The following MBP variants were observed in gnomAD, a reference collection of about 807,000 sequenced individuals.
MBP encodes myelin basic protein.
In MBP, 16 loss-of-function variants were observed where a neutral mutation model predicts 35.8. The ratio of observed to expected loss-of-function variants is 0.45; its 90% CI spans 0.30 to 0.68. The LOEUF is 0.68. Ranked by LOEUF, MBP falls within the 30% of genes least tolerant of loss-of-function variation. The pLI is 0.08. For missense variants in MBP, 380 were observed against 404.7 expected, an observed-to-expected ratio of 0.94 and a Z score of 0.52; for synonymous variants, 143 against 159.6, an observed-to-expected ratio of 0.90 and a Z score of 0.78.
At chr18:77,002,281 G>C (rs575318033) in intron 4 of MBP, among the ~76,000 whole-genome samples, 48 of 152,340 alleles carry the variant, frequency 3.2e-4, no homozygotes, top group African/African-American at 1.1e-3. Flanking sequence ...GCACCCATCA[G>C]CACTCGGCTG....
intron 2 of MBP, among the ~76,000 whole-genome samples, chr18:77,081,781 C>CACGTATATATATATGCACACACATATAT (rs1568329853): frequency 2.0e-5 from 1 of 50,662 alleles, no homozygotes; most frequent in African/African-American, 5.6e-5. Flanking sequence ...CACACACACA[C>CACGTATATATATATGCACACACATATAT]ACACACACAC....
chr18:76,981,812 G>A (rs1280595756), intron 8 of MBP: 1 of 152,234 alleles, frequency 6.6e-6, no homozygotes, highest in Non-Finnish European at 1.5e-5. Context: ...CTCTGGCATT[G>A]GAGCTGCCCT....
chr18:77,050,142 T>C (rs984372303), intron 3 of MBP, among the ~76,000 whole-genome samples: 1 of 152,254 alleles, frequency 6.6e-6, no homozygotes, highest in African/African-American at 2.4e-5. Flanking sequence ...AGTAATGCTA[T>C]TCCAAATTCT....
At chr18:76,998,832 G>A (rs959794799) in intron 4 of MBP, among the ~76,000 whole-genome samples, 4 of 152,030 alleles carry the variant, frequency 2.6e-5, no homozygotes, top group Non-Finnish European at 5.9e-5. Flanking sequence ...CTCCTTCCTC[G>A]TTGACCCCAC....
At chr18:77,049,081 G>A (rs745674344) in intron 3 of MBP, among the ~76,000 whole-genome samples, 6 of 151,906 alleles carry the variant, frequency 3.9e-5, no homozygotes, top group Non-Finnish European at 8.8e-5. Context: ...CACCACGCCC[G>A]GCTAATTTTT....
At chr18:77,039,757 G>T (rs1972909539) in intron 3 of MBP, among the ~76,000 whole-genome samples, 1 of 152,214 alleles carries the variant, frequency 6.6e-6, no homozygotes, top group African/African-American at 2.4e-5. Context: ...TGTGAATCAA[G>T]TGGTAGGAAG....
rs12956404 is a variant in MBP, at chr18:76,997,734, G to C, written c.577-7674C>G. ...GTCTCACTTTGTCCCCCAGGCTGGA[G>C]TGCAGTGGCGCGACCTCGGCTCACT... On this transcript the variant is annotated intron_variant, in intron 4 of 8. Coordinates refer to ENST00000355994, the MANE Select transcript of MBP (RefSeq NM_001025101.2). 6.7e-4 allele frequency among the ~76,000 whole-genome samples: 101 copies of C among 151,070 alleles called. 1 individual carries two copies. Among genetic ancestry groups the C allele is most frequent in the Non-Finnish European group, 1.2e-3 (79 of 67,590 alleles).
At chr18:76,981,670 A>C (rs953339796) in intron 8 of MBP, 14 of 152,256 alleles carry the variant, frequency 9.2e-5, no homozygotes, top group Non-Finnish European at 1.5e-5. Flanking sequence ...CAAGACAGGC[A>C]GCTTTCTCAC....
At chr18:77,078,403 T>C (rs1385522514) in intron 2 of MBP, among the ~76,000 whole-genome samples, 1 of 152,246 alleles carries the variant, frequency 6.6e-6, no homozygotes, top group Non-Finnish European at 1.5e-5. Flanking sequence ...AAGTTTTTAA[T>C]ATTCTGAAGC....
At chr18:77,082,060 G>A (rs1448121417) in intron 2 of MBP, among the ~76,000 whole-genome samples, 3 of 151,196 alleles carry the variant, frequency 2.0e-5, no homozygotes, top group Non-Finnish European at 3.0e-5. Flanking sequence ...CACTGTGTTA[G>A]CCGGGATGGT....
At chr18:77,069,540 C>T (rs1974344840) in intron 2 of MBP, among the ~76,000 whole-genome samples, 1 of 152,212 alleles carries the variant, frequency 6.6e-6, no homozygotes, top group Non-Finnish European at 1.5e-5. Flanking sequence ...AGTGTCCTCC[C>T]ATTGGCGTGG....
chr18:77,067,440 A>G (rs1974244732), intron 2 of MBP, among the ~76,000 whole-genome samples: 2 of 152,244 alleles, frequency 1.3e-5, no homozygotes, highest in South Asian at 4.1e-4. Flanking sequence ...ACAGCCCGCT[A>G]GCATTTCAGT....
At position 77,058,028 on chromosome 18, in the gene MBP, T is replaced by G. The variant is rs1426052878; in HGVS notation, c.139+8270A>C. 9.1e-5 allele frequency among the ~76,000 whole-genome samples: 2 copies of G among 22,056 alleles called. 1 individual carries two copies. Among genetic ancestry groups the G allele is most frequent in the Non-Finnish European group, 1.5e-4 (2 of 13,338 alleles). 14.5% of individuals were successfully genotyped at this position (22,056 alleles called of 152,430 possible). A position where few individuals can be genotyped will look rare whatever the true frequency, so the allele number is the denominator to read the frequency against. ...TTTTTTTTTTTAATAGAGACGGGGT[T>G]TCACCGTGTTAGCCAGGATGGTGTC... On this transcript the variant is annotated intron_variant, in intron 3 of 8. Coordinates refer to ENST00000355994, the MANE Select transcript of MBP (RefSeq NM_001025101.2).
chr18:77,025,022 G>A (rs1263801373), intron 3 of MBP, among the ~76,000 whole-genome samples: 3 of 152,186 alleles, frequency 2.0e-5, no homozygotes, highest in Non-Finnish European at 2.9e-5. Flanking sequence ...GGAGGTGCAT[G>A]TGTGCATTCT....
At chr18:77,016,521 G>C in intron 4 of MBP, 1 of 1,227,564 alleles carries the variant, frequency 8.1e-7, no homozygotes, top group Non-Finnish European at 1.0e-6. Context: ...CCCTGAGAAT[G>C]TGGCTCTCTT....
At chr18:77,124,406 C>T (rs558955064) in intron 1 of MBP, among the ~76,000 whole-genome samples, 52 of 152,160 alleles carry the variant, frequency 3.4e-4, no homozygotes, top group Non-Finnish European at 5.9e-4. Flanking sequence ...AAACATAAAT[C>T]GCTAGAATAA....
intron 4 of MBP, among the ~76,000 whole-genome samples, chr18:77,008,666 A>C (rs1599049280): frequency 1.3e-5 from 2 of 152,096 alleles, no homozygotes; most frequent in South Asian, 4.1e-4. Context: ...TCTGCCCCCA[A>C]GCCCTGGCTT....
intron 2 of MBP, among the ~76,000 whole-genome samples, chr18:77,078,351 A>G (rs1333917744): frequency 1.3e-5 from 2 of 152,126 alleles, no homozygotes; most frequent in African/African-American, 4.8e-5. Flanking sequence ...CCGCTCTCCC[A>G]GGTTTCTTGC....
intron 4 of MBP, among the ~76,000 whole-genome samples, chr18:77,008,356 C>T (rs931338971): frequency 6.6e-6 from 1 of 152,124 alleles, no homozygotes; most frequent in African/African-American, 2.4e-5. Context: ...AAGAGGCCTC[C>T]CAGAAGGACG....
Sources: gnomAD v4.1 joint callset for allele counts (sites outside exome capture counted in the v4.1 genomes callset) on GRCh38, gnomAD v4.1.1 for gene constraint, MANE v1.5 for transcripts, NCBI Gene and HGNC (gene_info 2026-07-23, HGNC 2026-07-21) for gene names.